Variants in SLIT3 observed in about 807,000 individuals in gnomAD.
The protein encoded by SLIT3 is slit homolog 3 protein.
SLIT3 carries 68 observed loss-of-function variants against 184.0 expected under a neutral mutation model. That is an observed-to-expected ratio of 0.37 (90% CI 0.30 to 0.45). The LOEUF (loss-of-function observed/expected upper bound fraction) is 0.45, where lower values mean the gene tolerates loss of function less well. SLIT3 is among the 20% of genes least tolerant of loss of function. The pLI is 1.00. For missense variants in SLIT3, 1,707 were observed against 2,026.0 expected (o/e 0.84, Z 3.02); for synonymous variants, 831 against 828.6 (o/e 1.00, Z -0.05).
chr5:168,935,331 CTG>C (rs1307153992), intron 4 of SLIT3, among the ~76,000 whole-genome samples: 3 of 152,138 alleles, frequency 2.0e-5, no homozygotes, highest in African/African-American at 7.2e-5. Flanking sequence ...AACCACTACA[CTG>C]TGCATTGAGG....
chr5:169,152,866 A>T (rs1480196103), intron 4 of SLIT3, among the ~76,000 whole-genome samples: 1 of 152,168 alleles, frequency 6.6e-6, no homozygotes, highest in African/African-American at 2.4e-5. Context: ...GAGCTTAAGA[A>T]CAGGCACTCC....
chr5:168,997,457 G>A lies in SLIT3; in HGVS notation c.414-114121C>T, dbSNP rs991764170. ...AATAGAATTAACTGAAAGAGGGAGGGTCTTCTCCAAAACTAGAAAGGGATG... is the reference window on the plus strand; with the variant it reads ...AATAGAATTAACTGAAAGAGGGAGGATCTTCTCCAAAACTAGAAAGGGATG... On this transcript the variant is annotated intron_variant, in intron 4 of 35. Coordinates refer to ENST00000519560, the MANE Select transcript of SLIT3 (RefSeq NM_003062.4). Among the ~76,000 whole-genome samples, 4 of 152,214 alleles carry A rather than the reference G, an allele frequency of 2.6e-5. No homozygotes were observed. The South Asian group carries it at 6.2e-4, about 24-fold the overall frequency.
At chr5:169,060,502 T>A (rs1221682817) in intron 4 of SLIT3, among the ~76,000 whole-genome samples, 1 of 152,252 alleles carries the variant, frequency 6.6e-6, no homozygotes, top group Non-Finnish European at 1.5e-5. Context: ...CTTCAGTCAC[T>A]CAGGTAACCT....
chr5:168,864,026 T>C (rs575309763), intron 5 of SLIT3, among the ~76,000 whole-genome samples: 21 of 145,120 alleles, frequency 1.4e-4, no homozygotes, highest in Admixed American at 4.9e-4. Context: ...TGAAACCCCA[T>C]CTCTATAAAA....
intron 10 of SLIT3, chr5:168,790,480 T>C (rs1756327639): frequency 6.6e-6 from 1 of 152,206 alleles, no homozygotes. Context: ...CCCAGTGACT[T>C]CTGAGAACCT....
chr5:169,156,330 C>T (rs189370176), intron 4 of SLIT3, among the ~76,000 whole-genome samples: 16 of 152,320 alleles, frequency 1.1e-4, no homozygotes, highest in African/African-American at 3.1e-4. Context: ...TACATGCACA[C>T]GTGTACAGGG....
intron 4 of SLIT3, among the ~76,000 whole-genome samples, chr5:169,088,227 T>G (rs974354825): frequency 1.3e-5 from 2 of 152,172 alleles, no homozygotes; most frequent in African/African-American, 4.8e-5. Context: ...GTATGGCTTG[T>G]GTTCATAAAT....
At chr5:168,959,237 C>T (rs1195387208) in intron 4 of SLIT3, among the ~76,000 whole-genome samples, 1 of 152,236 alleles carries the variant, frequency 6.6e-6, no homozygotes, top group African/African-American at 2.4e-5. Context: ...TGACTTTGTG[C>T]AAGTTATGTC....
chr5:168,890,901 G>A (rs1464133534), intron 4 of SLIT3, among the ~76,000 whole-genome samples: 1 of 152,178 alleles, frequency 6.6e-6, no homozygotes, highest in Non-Finnish European at 1.5e-5. Context: ...AAACAAGTTT[G>A]AGAACCATGG....
At chr5:168,906,859 T>A (rs966160907) in intron 4 of SLIT3, among the ~76,000 whole-genome samples, 19 of 152,128 alleles carry the variant, frequency 1.2e-4, no homozygotes, top group African/African-American at 4.1e-4. Flanking sequence ...TATTTATTTA[T>A]TTAATTAATT....
intron 4 of SLIT3, chr5:169,012,850 AC>A (rs1756208171): frequency 6.6e-6 from 1 of 152,224 alleles, no homozygotes; most frequent in East Asian, 1.9e-4. Flanking sequence ...CCTGGGATGA[AC>A]CCCGGCCATT....
chr5:169,171,715 G>A (rs1366890105), intron 4 of SLIT3, among the ~76,000 whole-genome samples: 2 of 152,216 alleles, frequency 1.3e-5, no homozygotes, highest in African/African-American at 4.8e-5. Flanking sequence ...CATTGCTTTG[G>A]AGAAGTTGCT....
intron 4 of SLIT3, among the ~76,000 whole-genome samples, chr5:169,153,352 C>G (rs146065202): frequency 3.3e-5 from 5 of 152,244 alleles, no homozygotes; most frequent in African/African-American, 1.2e-4. Context: ...GCCATGTGCA[C>G]TCTTCAGGCT....
chr5:168,902,749 G>A (rs918638702), intron 4 of SLIT3, among the ~76,000 whole-genome samples: 23 of 152,206 alleles, frequency 1.5e-4, no homozygotes, highest in Admixed American at 7.2e-4. Flanking sequence ...GAATCCACTG[G>A]TGTAAAGCTT....
intron 4 of SLIT3, among the ~76,000 whole-genome samples, chr5:169,158,756 A>T (rs1285208976): frequency 6.6e-6 from 1 of 152,196 alleles, no homozygotes; most frequent in African/African-American, 2.4e-5. Context: ...ACACCAGTAG[A>T]ATGTGATAAG....
chr5:168,856,821 G>A (rs73805258), intron 5 of SLIT3, among the ~76,000 whole-genome samples: 3 of 149,816 alleles, frequency 2.0e-5, no homozygotes, highest in African/African-American at 4.9e-5. Context: ...GCGCGCGCAC[G>A]CCTTTGTTCA....
intron 4 of SLIT3, among the ~76,000 whole-genome samples, chr5:168,974,584 A>G (rs1754686750): frequency 6.6e-6 from 1 of 152,196 alleles, no homozygotes; most frequent in Non-Finnish European, 1.5e-5. Flanking sequence ...TATTCCTTCC[A>G]AAAGTTCTAA....
intron 1 of SLIT3, among the ~76,000 whole-genome samples, chr5:169,252,131 T>C (rs531586428): frequency 6.6e-6 from 1 of 152,376 alleles, no homozygotes; most frequent in South Asian, 2.1e-4. Context: ...GACTTTGGTA[T>C]GTAGCTAGAA....
intron 4 of SLIT3, among the ~76,000 whole-genome samples, chr5:169,004,554 A>C (rs1408037148): frequency 6.6e-6 from 1 of 152,172 alleles, no homozygotes; most frequent in African/African-American, 2.4e-5. Flanking sequence ...ACTCAGCTCA[A>C]CAGACCTGAG....
Sources: gnomAD v4.1 joint callset for allele counts (sites outside exome capture counted in the v4.1 genomes callset) on GRCh38, gnomAD v4.1.1 for gene constraint, MANE v1.5 for transcripts, NCBI Gene and HGNC (gene_info 2026-07-23, HGNC 2026-07-21) for gene names.